EXOC6: variants seen among roughly 807,000 people sequenced by gnomAD.
EXOC6 encodes exocyst complex component 6.
EXOC6 carries 60 observed loss-of-function variants against 112.5 expected under a neutral mutation model. That is an observed-to-expected ratio of 0.53 (90% confidence interval 0.43 to 0.66). The LOEUF (loss-of-function observed/expected upper bound fraction) is 0.66, where lower values mean the gene tolerates loss of function less well. Ranked by LOEUF, EXOC6 falls within the 30% of genes least tolerant of loss-of-function variation. EXOC6 has a pLI of 0.00. For synonymous variants in EXOC6, 295 were observed against 308.0 expected (o/e 0.96, Z 0.44); for missense variants, 855 against 957.1 (o/e 0.89, Z 1.41).
At chr10:92,921,576 G>T (rs1420665169) in intron 8 of EXOC6, among the ~76,000 whole-genome samples, 2 of 151,458 alleles carry the variant, frequency 1.3e-5, no homozygotes, top group African/African-American at 4.9e-5. Context: ...CCTGAGGATT[G>T]CAATTAACAT....
At chr10:92,969,457 A>G (rs993854718) in intron 17 of EXOC6, among the ~76,000 whole-genome samples, 11 of 152,124 alleles carry the variant, frequency 7.2e-5, no homozygotes, top group Non-Finnish European at 1.0e-4. Context: ...TGAGTATAAC[A>G]AAATATTTGT....
At chr10:92,924,325 A>G (rs908526347) in intron 8 of EXOC6, among the ~76,000 whole-genome samples, 1 of 152,206 alleles carries the variant, frequency 6.6e-6, no homozygotes, top group African/African-American at 2.4e-5. Flanking sequence ...ACACCTTTAA[A>G]CAGCCAAATG....
chr10:92,895,098 G>T, intron 4 of EXOC6, 78 bp downstream of exon 4: 2 of 841,726 alleles, frequency 2.4e-6, no homozygotes, highest in Non-Finnish European at 4.0e-6. Context: ...TGATTCTTTG[G>T]TATGGGAATT....
chr10:93,015,978 A>G (rs780737610), intron 20 of EXOC6, among the ~76,000 whole-genome samples: 3 of 152,224 alleles, frequency 2.0e-5, no homozygotes, highest in Non-Finnish European at 4.4e-5. Flanking sequence ...AAGATAGTAG[A>G]AAGTGAAGAA....
intron 12 of EXOC6, among the ~76,000 whole-genome samples, chr10:92,938,074 T>C (rs1852450527): frequency 6.6e-6 from 1 of 152,152 alleles, no homozygotes. Context: ...CTTATTTCTT[T>C]GTAGACTGTA....
chr10:92,910,585 A>C (rs529524654), intron 6 of EXOC6, among the ~76,000 whole-genome samples: 19 of 152,154 alleles, frequency 1.2e-4, no homozygotes, highest in African/African-American at 3.9e-4. Context: ...ATGTATATAC[A>C]TCTTACTTAA....
At chr10:92,876,882 C>T (rs981210965) in intron 1 of EXOC6, among the ~76,000 whole-genome samples, 1 of 152,204 alleles carries the variant, frequency 6.6e-6, no homozygotes, top group Non-Finnish European at 1.5e-5. Context: ...GCAATCCTTT[C>T]CTACTTTCCC....
intron 4 of EXOC6, among the ~76,000 whole-genome samples, chr10:92,896,145 G>A (rs866444632): frequency 0.027 from 542 of 20,272 alleles, 42 homozygotes; most frequent in Admixed American, 0.03. Context: ...GTGTATGTAT[G>A]TGTATATATA....
intron 18 of EXOC6, among the ~76,000 whole-genome samples, chr10:92,983,166 T>C (rs1842885734): frequency 6.6e-6 from 1 of 152,344 alleles, no homozygotes. Flanking sequence ...AATTTGCTAA[T>C]GTCTATTTTA....
intron 1 of EXOC6, among the ~76,000 whole-genome samples, chr10:92,843,408 A>C (rs1042946260): frequency 6.6e-6 from 1 of 152,254 alleles, no homozygotes; most frequent in African/African-American, 2.4e-5. Context: ...CCTGTACTTT[A>C]CATTTTGATA....
At chr10:93,041,713 A>ATTAT (rs746549326) in intron 20 of EXOC6, among the ~76,000 whole-genome samples, 2 of 149,994 alleles carry the variant, frequency 1.3e-5, no homozygotes, top group Non-Finnish European at 3.0e-5. Context: ...CGTGCCCGGC[A>ATTAT]TTATTTATTT....
At chr10:92,999,223 G>GTTTTT in intron 19 of EXOC6, 12 of 348,170 alleles carry the variant, frequency 3.4e-5, no homozygotes, top group Admixed American at 8.0e-5. Flanking sequence ...TTTTTTACAA[G>GTTTTT]TTTTTTTTTT....
intron 17 of EXOC6, among the ~76,000 whole-genome samples, 166 bp from the exon 18 acceptor site, chr10:92,973,887 A>G (rs938010862): frequency 6.6e-6 from 1 of 152,246 alleles, no homozygotes; most frequent in Non-Finnish European, 1.5e-5. Context: ...TATCCAGTCA[A>G]ATAAATAGAG....
At chr10:92,996,800 C>T (rs971461575) in intron 18 of EXOC6, among the ~76,000 whole-genome samples, 1 of 152,058 alleles carries the variant, frequency 6.6e-6, no homozygotes, top group Non-Finnish European at 1.5e-5. Flanking sequence ...TGAAAGAAAA[C>T]CACAAGTATT....
intron 18 of EXOC6, among the ~76,000 whole-genome samples, chr10:92,991,351 G>A (rs1257567544): frequency 2.0e-5 from 3 of 150,452 alleles, no homozygotes; most frequent in African/African-American, 4.9e-5. Flanking sequence ...CATAAGAATC[G>A]CTTGAACCTG....
chr10:92,836,107 G>A (rs1846650028), intron 1 of EXOC6, among the ~76,000 whole-genome samples: 1 of 152,202 alleles, frequency 6.6e-6, no homozygotes, highest in East Asian at 1.9e-4. Context: ...GGAAACAAGA[G>A]AAAGGGTGAA....
At chr10:92,847,095 C>T (rs1456077682), upstream of EXOC6, among the ~76,000 whole-genome samples, 1 of 152,202 alleles carries the variant, frequency 6.6e-6, no homozygotes, top group Non-Finnish European at 1.5e-5. Flanking sequence ...CACAGACATG[C>T]TGACACCTTG....
chr10:92,958,794 C>A (rs1853828835), intron 17 of EXOC6, among the ~76,000 whole-genome samples: 1 of 152,142 alleles, frequency 6.6e-6, no homozygotes, highest in African/African-American at 2.4e-5. Context: ...TCAAGACTTA[C>A]TATAAAGCTG....
intron 18 of EXOC6, among the ~76,000 whole-genome samples, chr10:92,984,084 T>G (rs1439116226): frequency 6.6e-6 from 1 of 152,178 alleles, no homozygotes; most frequent in Admixed American, 6.5e-5. Context: ...GTGTTTGTTA[T>G]GATTATGCCC....
Sources: allele counts gnomAD v4.1 joint callset (sites outside exome capture counted in the v4.1 genomes callset), GRCh38; gene constraint gnomAD v4.1.1; transcripts MANE v1.5; gene names NCBI Gene and HGNC (gene_info 2026-07-23, HGNC 2026-07-21).